ANTXR2: variants seen among roughly 807,000 people sequenced by gnomAD.
ANTXR2 encodes the protein anthrax toxin receptor 2.
A neutral mutation model predicts 73.7 loss-of-function variants in ANTXR2; 44 were observed. The observed-to-expected ratio is 0.60, with a 90% CI of 0.47 to 0.77. The LOEUF (loss-of-function observed/expected upper bound fraction) is 0.77. Among genes scored for constraint, ANTXR2 ranks in the 30% least tolerant of loss-of-function variants. ANTXR2 has a pLI of 0.00. For synonymous variants in ANTXR2, 217 were observed against 205.9 expected (o/e 1.05, Z -0.46); for missense variants, 604 against 592.5 (o/e 1.02, Z -0.20).
intron 7 of ANTXR2, among the ~76,000 whole-genome samples, chr4:80,037,005 A>G (rs1269064976): frequency 4.6e-5 from 7 of 152,106 alleles, no homozygotes; most frequent in African/African-American, 1.4e-4. Flanking sequence ...CAGGAACAGA[A>G]CTGCTCTTCT....
chr4:80,070,403 T>C (rs1305141071), intron 2 of ANTXR2, among the ~76,000 whole-genome samples: 1 of 152,250 alleles, frequency 6.6e-6, no homozygotes, highest in Non-Finnish European at 1.5e-5. Flanking sequence ...GTTGTAGTGA[T>C]GTGATTCATT....
At chr4:80,016,319 G>A (rs917609196) in intron 11 of ANTXR2, among the ~76,000 whole-genome samples, 4 of 151,722 alleles carry the variant, frequency 2.6e-5, no homozygotes, top group African/African-American at 7.3e-5. Context: ...TCTCAATTTC[G>A]TCAACACATC....
At chr4:80,024,972 T>A (rs969430652) in intron 10 of ANTXR2, among the ~76,000 whole-genome samples, 7 of 152,170 alleles carry the variant, frequency 4.6e-5, no homozygotes, top group African/African-American at 1.7e-4. Flanking sequence ...CTTAATTTTC[T>A]ATAAATTGGT....
intron 16 of ANTXR2, among the ~76,000 whole-genome samples, chr4:79,929,310 C>G (rs1727965667): frequency 6.6e-6 from 1 of 152,262 alleles, no homozygotes; most frequent in Non-Finnish European, 1.5e-5. Flanking sequence ...GTCAGGAGTT[C>G]AAGACCAGCC....
chr4:79,928,768 G>T (rs1727934078), intron 16 of ANTXR2, among the ~76,000 whole-genome samples: 1 of 151,998 alleles, frequency 6.6e-6, no homozygotes, highest in African/African-American at 2.4e-5. Context: ...TATAAATATA[G>T]TTATTATAAT....
At position 80,055,479 on chromosome 4, in the gene ANTXR2, GAAT is replaced by G; in HGVS notation, c.379-15_379-13del. 1 of 1,589,304 alleles carries G rather than the reference GAAT, an allele frequency of 6.3e-7. No homozygotes were observed. The highest frequency in any genetic ancestry group is 8.6e-7 in the Non-Finnish European group (1 of 1,160,818). ...ATTTGTTCATTCGCCTGAAAATGAA[GAAT>G]AATTATCCAACTCACAATTTAATTT... On this transcript the variant is annotated splice_polypyrimidine_tract_variant and intron_variant, in intron 4 of 16. Transcript: ENST00000403729.
chr4:79,986,905 G>A (rs1730192564), intron 12 of ANTXR2, among the ~76,000 whole-genome samples: 1 of 152,196 alleles, frequency 6.6e-6, no homozygotes, highest in African/African-American at 2.4e-5. Context: ...CCTCCTGAAA[G>A]CATCCAGAAA....
intron 5 of ANTXR2, 35 bp from the exon 6 acceptor site, chr4:80,055,253 G>C: frequency 6.5e-7 from 1 of 1,548,112 alleles, no homozygotes; most frequent in Non-Finnish European, 8.8e-7. Context: ...GAGAAAAAAA[G>C]AGAGGGGAGA....
intron 12 of ANTXR2, among the ~76,000 whole-genome samples, chr4:79,988,365 C>A (rs564470790): frequency 6.7e-6 from 1 of 149,508 alleles, no homozygotes; most frequent in Non-Finnish European, 1.5e-5. Context: ...TTATTTCAGA[C>A]AATACAGACT....
At chr4:79,910,464 G>A (rs1413357343) in intron 16 of ANTXR2, among the ~76,000 whole-genome samples, 11 of 132,478 alleles carry the variant, frequency 8.3e-5, no homozygotes, top group Non-Finnish European at 1.2e-4. Flanking sequence ...AACCAAGATC[G>A]CACCACTGCA....
chr4:79,950,176 A>C (rs1206098322), intron 16 of ANTXR2, among the ~76,000 whole-genome samples: 3 of 152,198 alleles, frequency 2.0e-5, no homozygotes, highest in African/African-American at 7.2e-5. Flanking sequence ...GAAGAAATAC[A>C]GCCCAAAACT....
intron 16 of ANTXR2, among the ~76,000 whole-genome samples, chr4:79,930,311 TTAGACCG>T (rs1728006846): frequency 1.3e-5 from 2 of 152,136 alleles, no homozygotes; most frequent in Non-Finnish European, 2.9e-5. Context: ...CTTACCTATT[TTAGACCG>T]TAGAAAGTGA....
At chr4:79,928,212 T>A (rs896364639) in intron 16 of ANTXR2, among the ~76,000 whole-genome samples, 1 of 152,222 alleles carries the variant, frequency 6.6e-6, no homozygotes, top group Admixed American at 6.5e-5. Flanking sequence ...TGTTACAACA[T>A]GAATGAACCA....
chr4:79,947,552 C>T (rs1002141756), intron 16 of ANTXR2, among the ~76,000 whole-genome samples: 1 of 152,158 alleles, frequency 6.6e-6, no homozygotes, highest in African/African-American at 2.4e-5. Flanking sequence ...ACACTTACTG[C>T]ACAAGCAGAG....
intron 7 of ANTXR2, 139 bp from the exon 8 acceptor site, chr4:80,036,171 G>T: frequency 1.5e-6 from 1 of 684,828 alleles, no homozygotes; most frequent in Non-Finnish European, 2.4e-6. Flanking sequence ...ACTATAGCGT[G>T]TACAGCTACC....
At chr4:79,915,787 C>T (rs2109935146) in intron 16 of ANTXR2, among the ~76,000 whole-genome samples, 1 of 150,204 alleles carries the variant, frequency 6.7e-6, no homozygotes, top group Non-Finnish European at 1.5e-5. Flanking sequence ...TGTAGTATCA[C>T]ATCTTTCTCT....
At chr4:80,005,418 C>G (rs1731256147) in intron 12 of ANTXR2, among the ~76,000 whole-genome samples, 1 of 152,088 alleles carries the variant, frequency 6.6e-6, no homozygotes, top group South Asian at 2.1e-4. Flanking sequence ...GAATGACAGT[C>G]AAAGTCATAT....
intron 8 of ANTXR2, 120 bp downstream of exon 8, chr4:80,035,852 A>C: frequency 1.2e-6 from 1 of 805,430 alleles, no homozygotes; most frequent in Admixed American, 3.1e-5. Context: ...TCTTACACAA[A>C]AAAGATGCCA....
intron 16 of ANTXR2, among the ~76,000 whole-genome samples, chr4:79,932,311 C>G (rs1358934929): frequency 6.7e-6 from 1 of 149,816 alleles, no homozygotes; most frequent in African/African-American, 2.5e-5. Context: ...TTTTTTTGAC[C>G]AAGTCATATT....
Sources: gnomAD v4.1 joint callset for allele counts (sites outside exome capture counted in the v4.1 genomes callset) on GRCh38, gnomAD v4.1.1 for gene constraint, MANE v1.5 for transcripts, NCBI Gene and HGNC (gene_info 2026-07-23, HGNC 2026-07-21) for gene names.